PRKCA: variants seen among roughly 807,000 people sequenced by gnomAD.
PRKCA encodes protein kinase C alpha.
In PRKCA, 27 loss-of-function variants were observed where a neutral mutation model predicts 87.0. That is an observed-to-expected ratio of 0.31 (90% confidence interval 0.23 to 0.43). The LOEUF (loss-of-function observed/expected upper bound fraction) is 0.43, where lower values mean the gene tolerates loss of function less well. Among genes scored for constraint, PRKCA ranks in the 20% least tolerant of loss-of-function variants. The pLI is 1.00. For synonymous variants in PRKCA, 329 were observed against 311.1 expected (o/e 1.06, Z -0.61); for missense variants, 518 against 852.3 (o/e 0.61, Z 4.88).
Position 66,689,461 on chromosome 17 carries a change from T to C in PRKCA, c.918+414T>C, listed in dbSNP as rs1972721085. Among the ~76,000 whole-genome samples, 4 of 152,218 alleles carry C rather than the reference T, an allele frequency of 2.6e-5. No individual in the cohort carries two copies. The highest frequency in any genetic ancestry group is 2.6e-4 in the Admixed American group (4 of 15,286). On this transcript the variant is annotated intron_variant, in intron 8 of 16. Coordinates refer to ENST00000413366, the MANE Select transcript of PRKCA (RefSeq NM_002737.3). The surrounding 1 kb of genome is among the most constrained non-coding windows in gnomAD (Gnocchi z 4.1). ...AATCAGGCTATCATCTGAGACTTTT[T>C]TTTTCTACAGAAAGTACAAGGTTCC...
chr17:66,760,157 T>C (rs1169464100), intron 13 of PRKCA, among the ~76,000 whole-genome samples: 1 of 152,222 alleles, frequency 6.6e-6, no homozygotes, highest in Non-Finnish European at 1.5e-5. Flanking sequence ...CCACATTCTG[T>C]GCTGTAAAAC....
At position 66,623,973 on chromosome 17, in the gene PRKCA, C is replaced by T. The variant is rs181240380; in HGVS notation, c.289-17382C>T. Among the ~76,000 whole-genome samples, 382 of 152,086 alleles carry T rather than the reference C, an allele frequency of 2.5e-3. 6 individuals are homozygous for T. The highest frequency in any genetic ancestry group is 5.7e-4 in the Non-Finnish European group (39 of 67,954). ...GAGAGAGGGACTTTCCTGACCAGGGCAGGGAGTAGGGGGCTGTACCCAAAG... is the reference window on the plus strand; with the variant it reads ...GAGAGAGGGACTTTCCTGACCAGGGTAGGGAGTAGGGGGCTGTACCCAAAG... On this transcript the variant is annotated intron_variant, in intron 3 of 16. Transcript: ENST00000413366.
intron 16 of PRKCA, among the ~76,000 whole-genome samples, chr17:66,798,968 A>ATGGTGGTGGTGG (rs1555650885): frequency 0.015 from 166 of 10,914 alleles, 20 homozygotes; most frequent in Middle Eastern, 0.045. Context: ...GGTGGTGGTG[A>ATGGTGGTGGTGG]TGGTGGTGGT....
chr17:66,431,309 C>A (rs866607011), intron 2 of PRKCA, among the ~76,000 whole-genome samples: 2 of 152,104 alleles, frequency 1.3e-5, no homozygotes, highest in Non-Finnish European at 2.9e-5. Flanking sequence ...TATTTAATAG[C>A]GATGCAAATG....
chr17:66,700,248 T>G (rs191654307), intron 8 of PRKCA, among the ~76,000 whole-genome samples: 9 of 152,310 alleles, frequency 5.9e-5, no homozygotes, highest in African/African-American at 2.2e-4. Context: ...TTGACAAAAT[T>G]TAATGCCCTT....
intron 13 of PRKCA, among the ~76,000 whole-genome samples, chr17:66,744,215 TC>T (rs1568008781): frequency 6.6e-6 from 1 of 152,108 alleles, no homozygotes; most frequent in Non-Finnish European, 1.5e-5. Flanking sequence ...ACTGGGATTT[TC>T]CCCCAAAAGA....
intron 3 of PRKCA, among the ~76,000 whole-genome samples, chr17:66,562,067 TA>T (rs1197788343): frequency 1.8e-5 from 2 of 111,370 alleles, no homozygotes; most frequent in South Asian, 3.1e-4. Context: ...TAAATATATA[TA>T]ATTAAATTAT....
At position 66,741,681 on chromosome 17, in the gene PRKCA, A is replaced by G. The variant is rs1974162274; in HGVS notation, c.1345A>G (p.Ile449Val). Residue 449 changes from isoleucine to valine, a missense_variant, in exon 12 of 17, where the codon ATC (isoleucine) becomes GTC (valine). By Grantham distance (29) the Ile-to-Val change is conservative. This residue lies in a region of PRKCA where 300 missense variants were observed against 496.8 expected (regional missense o/e 0.60). Transcript: ENST00000413366. Reference protein sequence around the residue: ...QAVFYAAEISIGLFFLHKRGI... With the variant: ...QAVFYAAEISVGLFFLHKRGI... ...CAGATTCTATGCGGCAGAGATTTCC[A>G]TCGGATTGTTCTTTCTTCATAAAAG... 1 of 1,614,184 alleles carries G rather than the reference A, an allele frequency of 6.2e-7. No homozygotes were observed. The highest frequency in any genetic ancestry group is 1.1e-5 in the South Asian group (1 of 91,072).
chr17:66,324,172 G>T (rs1258355178), intron 2 of PRKCA, among the ~76,000 whole-genome samples: 1 of 152,154 alleles, frequency 6.6e-6, no homozygotes, highest in Non-Finnish European at 1.5e-5. Flanking sequence ...TGGACCTGCT[G>T]TGTATAGAAC....
intron 2 of PRKCA, among the ~76,000 whole-genome samples, chr17:66,424,748 AC>A (rs1555602432): frequency 7.7e-6 from 1 of 130,420 alleles, no homozygotes; most frequent in Non-Finnish European, 1.6e-5. Context: ...TGTTCCCCCC[AC>A]CCCCACCGCC....
rs181681984 is a variant in PRKCA at position 66,727,282 on chromosome 17, G to A, written c.919-5406G>A. Among the ~76,000 whole-genome samples, 334 of 152,358 alleles carry A rather than the reference G, an allele frequency of 2.2e-3. 4 individuals carry two copies. The highest frequency in any genetic ancestry group is 7.6e-3 in the African/African-American group (318 of 41,586). On this transcript the variant is annotated intron_variant, in intron 8 of 16. Coordinates refer to ENST00000413366, the MANE Select transcript of PRKCA (RefSeq NM_002737.3). ...GCAGGCATACTCCAGAGAGAGTGGC[G>A]TGCAAGGGGGTTTGGGGCCTGCTAC...
chr17:66,444,993 C>T (rs903281345), intron 2 of PRKCA, among the ~76,000 whole-genome samples: 22 of 152,098 alleles, frequency 1.4e-4, no homozygotes, highest in African/African-American at 5.3e-4. Context: ...CTTATGGGCC[C>T]TTTGCTCTGC....
At chr17:66,434,351 A>T (rs1436135989) in intron 2 of PRKCA, among the ~76,000 whole-genome samples, 2 of 152,038 alleles carry the variant, frequency 1.3e-5, no homozygotes, top group Non-Finnish European at 2.9e-5. Context: ...CCTTGTGAAG[A>T]CATCATGAGC....
Position 66,508,387 on chromosome 17 carries a change from G to A in PRKCA, c.288+12104G>A, listed in dbSNP as rs61745369. The stretch of plus-strand genomic sequence containing the variant: ...CACGAAGATAACACTGCCGTTGGGC[G>A]TTGCCGTGGTTCTGACTGGGTGAAG... On this transcript the variant is annotated intron_variant, in intron 3 of 16. Coordinates refer to ENST00000413366, the MANE Select transcript of PRKCA (RefSeq NM_002737.3). Among the ~76,000 whole-genome samples, 1,470 of 152,336 alleles carry A rather than the reference G, an allele frequency of 9.6e-3. 17 individuals carry two copies. The highest frequency in any genetic ancestry group is 0.029 in the South Asian group (139 of 4,830).
chr17:66,340,604 C>A (rs903783019), intron 2 of PRKCA, among the ~76,000 whole-genome samples: 1 of 151,858 alleles, frequency 6.6e-6, no homozygotes, highest in Non-Finnish European at 1.5e-5. Context: ...AGAGCATAAA[C>A]CACATTCAAA....
intron 2 of PRKCA, among the ~76,000 whole-genome samples, chr17:66,328,079 C>G (rs374310799): frequency 1.4e-4 from 22 of 152,228 alleles, no homozygotes; most frequent in African/African-American, 5.3e-4. Flanking sequence ...AACATTTTTC[C>G]CTCTGTTGCC....
At chr17:66,742,167 A>G (rs1165568863) in intron 12 of PRKCA, among the ~76,000 whole-genome samples, 1 of 152,228 alleles carries the variant, frequency 6.6e-6, no homozygotes, top group Admixed American at 6.5e-5. Context: ...TTCTTCCAGT[A>G]TTAATTGAAG....
chr17:66,614,124 A>G (rs1416491679), intron 3 of PRKCA, among the ~76,000 whole-genome samples: 2 of 152,122 alleles, frequency 1.3e-5, no homozygotes, highest in East Asian at 1.9e-4. Flanking sequence ...TTGCACCTGC[A>G]GAGACCCTAT....
intron 8 of PRKCA, among the ~76,000 whole-genome samples, chr17:66,721,251 G>A (rs1283227856): frequency 6.6e-6 from 1 of 151,928 alleles, no homozygotes; most frequent in Non-Finnish European, 1.5e-5. Flanking sequence ...AAAAAAATTA[G>A]CCAGGCATGG....
Sources: gnomAD v4.1 joint callset for allele counts (sites outside exome capture counted in the v4.1 genomes callset) on GRCh38, gnomAD v4.1.1 for gene constraint, gnomAD v4.1.1 regional missense constraint, Gnocchi (gnomAD v3.1) non-coding constraint, MANE v1.5 for transcripts, NCBI Gene and HGNC (gene_info 2026-07-23, HGNC 2026-07-21) for gene names.